Variants in GPHN observed in about 807,000 individuals in gnomAD.
GPHN encodes gephyrin.
GPHN carries 17 observed loss-of-function variants against 95.5 expected under a neutral mutation model. The ratio of observed to expected loss-of-function variants is 0.18; its 90% CI spans 0.12 to 0.27. GPHN has a LOEUF of 0.27. Ranked by LOEUF, GPHN falls within the 10% of genes least tolerant of loss-of-function variation. The probability of loss-of-function intolerance (pLI) is 1.00; values close to 1 mark genes in which losing one functional copy is unlikely to be tolerated. For synonymous variants in GPHN, 320 were observed against 322.5 expected, an observed-to-expected ratio of 0.99 and a Z score of 0.08; for missense variants, 660 against 978.1, an observed-to-expected ratio of 0.67 and a Z score of 4.34.
chr14:66,865,321 C>T (rs1457318531), intron 4 of GPHN, among the ~76,000 whole-genome samples: 1 of 152,070 alleles, frequency 6.6e-6, no homozygotes. Context: ...GATTATTATG[C>T]ATTGCATGCC....
At chr14:67,095,002 T>A (rs145794907) in intron 12 of GPHN, among the ~76,000 whole-genome samples, 2 of 152,212 alleles carry the variant, frequency 1.3e-5, no homozygotes, top group East Asian at 3.9e-4. Flanking sequence ...TAGGTTTGTG[T>A]TAGTACACTC....
the GPHN span, chr14:67,340,086 G>T: frequency 6.1e-6 from 1 of 163,902 alleles, no homozygotes; most frequent in Non-Finnish European, 1.3e-5. Context: ...CAAAGGTAAT[G>T]AGTTCTCTCT....
chr14:67,196,223 C>CTTTTTTTTTTTTTTTTTTT, the GPHN span, among the ~76,000 whole-genome samples: 1 of 143,118 alleles, frequency 7.0e-6, no homozygotes, highest in African/African-American at 2.6e-5. Flanking sequence ...TTCTTTCTTT[C>CTTTTTTTTTTTTTTTTTTT]TTTTTTTTTT....
At chr14:66,979,778 G>C (rs2070523898) in intron 9 of GPHN, among the ~76,000 whole-genome samples, 1 of 152,164 alleles carries the variant, frequency 6.6e-6, no homozygotes, top group East Asian at 1.9e-4. Context: ...TCAGCGTTCA[G>C]CATGCCTTCC....
At chr14:67,659,900 A>T in the GPHN span, 1 of 1,613,820 alleles carries the variant, frequency 6.2e-7, no homozygotes, top group Non-Finnish European at 8.5e-7. Flanking sequence ...TGCATAACGT[A>T]GCTCCTCCTC....
chr14:67,635,035 AGGGGTTTGAGACCAGCCTC>A, the GPHN span, among the ~76,000 whole-genome samples: 1 of 152,324 alleles, frequency 6.6e-6, no homozygotes, highest in South Asian at 2.1e-4. Flanking sequence ...GCCTGAGGCC[AGGGGTTTGAGACCAGCCTC>A]GGTAAAATGG....
the GPHN span, chr14:67,572,252 C>G: frequency 6.2e-7 from 1 of 1,605,032 alleles, no homozygotes. Flanking sequence ...TCATCCTACT[C>G]CACCGACGGG....
the GPHN span, among the ~76,000 whole-genome samples, chr14:67,638,909 A>G: frequency 6.6e-6 from 1 of 152,230 alleles, no homozygotes; most frequent in Non-Finnish European, 1.5e-5. Context: ...GCCCATATTA[A>G]GGCATGTGGG....
the GPHN span, chr14:67,659,588 T>C: frequency 1.3e-6 from 1 of 790,686 alleles, no homozygotes; most frequent in Non-Finnish European, 1.9e-6. Flanking sequence ...AGGAACTGGA[T>C]GCAGAAAAGA....
At chr14:67,360,985 A>G in the GPHN span, among the ~76,000 whole-genome samples, 4 of 152,174 alleles carry the variant, frequency 2.6e-5, no homozygotes, top group African/African-American at 7.2e-5. Context: ...TCATCTGATA[A>G]TTGAATGAGT....
chr14:66,618,831 T>C (rs1464461348), intron 1 of GPHN, among the ~76,000 whole-genome samples: 1 of 152,184 alleles, frequency 6.6e-6, no homozygotes, highest in Non-Finnish European at 1.5e-5. Context: ...CATTGTGAAA[T>C]TGTAACTACA....
chr14:66,782,691 A>G (rs1042822347), intron 3 of GPHN, among the ~76,000 whole-genome samples: 2 of 152,024 alleles, frequency 1.3e-5, no homozygotes, highest in African/African-American at 4.8e-5. Context: ...TTAGCCATGC[A>G]TGGTGGCATG....
the GPHN span, among the ~76,000 whole-genome samples, chr14:67,393,539 C>T: frequency 1.3e-5 from 2 of 151,974 alleles, no homozygotes; most frequent in African/African-American, 2.4e-5. Flanking sequence ...CTGTGACCTC[C>T]GCCTCCCAGG....
the GPHN span, chr14:67,586,936 A>G: frequency 1.1e-4 from 177 of 1,543,770 alleles, no homozygotes; most frequent in African/African-American, 1.5e-3. Flanking sequence ...TTCCCTTTGG[A>G]TATTTTCTCC....
chr14:67,395,012 T>C, the GPHN span, among the ~76,000 whole-genome samples: 1 of 152,058 alleles, frequency 6.6e-6, no homozygotes, highest in Admixed American at 6.5e-5. Flanking sequence ...GCCTCTATAA[T>C]GATAAGAAAT....
intron 3 of GPHN, among the ~76,000 whole-genome samples, chr14:66,804,632 G>T (rs1008709906): frequency 1.3e-5 from 2 of 152,164 alleles, no homozygotes; most frequent in Non-Finnish European, 2.9e-5. Flanking sequence ...GTCAGCCTAT[G>T]TCCAAAATCA....
At chr14:66,731,079 T>C (rs1279548173) in intron 2 of GPHN, among the ~76,000 whole-genome samples, 4 of 152,184 alleles carry the variant, frequency 2.6e-5, no homozygotes, top group African/African-American at 9.7e-5. Context: ...CATGCCAGCT[T>C]CCCCTTCTGC....
the GPHN span, among the ~76,000 whole-genome samples, chr14:67,441,414 G>C: frequency 6.6e-6 from 1 of 152,192 alleles, no homozygotes; most frequent in Non-Finnish European, 1.5e-5. Flanking sequence ...ACCTTTTGCA[G>C]TGAGCCCAGT....
chr14:67,494,701 G>A, the GPHN span, among the ~76,000 whole-genome samples: 1 of 152,216 alleles, frequency 6.6e-6, no homozygotes, highest in South Asian at 2.1e-4. Flanking sequence ...GTGGTGCACA[G>A]AATCAGCATT....
Sources: allele counts gnomAD v4.1 joint callset (sites outside exome capture counted in the v4.1 genomes callset), GRCh38; gene constraint gnomAD v4.1.1; transcripts MANE v1.5; gene names NCBI Gene and HGNC (gene_info 2026-07-23, HGNC 2026-07-21).